Variants in RARB observed in about 807,000 individuals in gnomAD.
RARB encodes HBV-activated protein.
In RARB, 17 loss-of-function variants were observed where a neutral mutation model predicts 51.9. The observed-to-expected ratio is 0.33, with a 90% confidence interval of 0.22 to 0.49. The LOEUF (loss-of-function observed/expected upper bound fraction) is 0.49. RARB is among the 20% of genes least tolerant of loss of function. The pLI, the probability that RARB is intolerant of heterozygous loss-of-function variation, is 0.99. For synonymous variants in RARB, 215 were observed against 195.4 expected (o/e 1.10, Z -0.84); for missense variants, 369 against 550.8 (o/e 0.67, Z 3.30).
intron 5 of RARB, among the ~76,000 whole-genome samples, chr3:25,181,959 T>A (rs1046866006): frequency 6.6e-6 from 1 of 152,210 alleles, no homozygotes; most frequent in Non-Finnish European, 1.5e-5. Flanking sequence ...TCTTACCACT[T>A]CTTTATGCCT....
intron 4 of RARB, among the ~76,000 whole-genome samples, chr3:25,163,700 C>A (rs1424483201): frequency 6.6e-6 from 1 of 151,814 alleles, no homozygotes; most frequent in African/African-American, 2.4e-5. Flanking sequence ...GAGTCAAGGA[C>A]CCCGTTCCCT....
At chr3:25,408,732 C>T (rs750401078) in intron 5 of RARB, among the ~76,000 whole-genome samples, 4 of 152,080 alleles carry the variant, frequency 2.6e-5, no homozygotes, top group African/African-American at 4.8e-5. Context: ...CACCATGGCA[C>T]TTAAAAAAAT....
At chr3:25,171,657 A>AAAAAAAAAAAC (rs1313879949) in intron 4 of RARB, among the ~76,000 whole-genome samples, 2 of 148,664 alleles carry the variant, frequency 1.3e-5, no homozygotes, top group Admixed American at 6.7e-5. Flanking sequence ...AAAAAAAAAA[A>AAAAAAAAAAAC]AAAACAGCTT....
chr3:24,935,972 G>C (rs1186252955), intron 2 of RARB, among the ~76,000 whole-genome samples: 1 of 152,128 alleles, frequency 6.6e-6, no homozygotes, highest in East Asian at 1.9e-4. Flanking sequence ...TTAGGAAAAT[G>C]TATAAATCGA....
At chr3:25,281,413 G>C (rs1444923586) in intron 5 of RARB, among the ~76,000 whole-genome samples, 2 of 152,194 alleles carry the variant, frequency 1.3e-5, no homozygotes, top group African/African-American at 4.8e-5. Context: ...ACTTTGGCTG[G>C]GGTTTCCCTG....
chr3:25,104,679 T>C lies in RARB; in HGVS notation c.-327-27482T>C, dbSNP rs529537088. ...AGAAAAAAATCTCACAGTGATACTATTGTTAATATCCCAAACTGGAAAATA... is the reference window on the plus strand; with the variant it reads ...AGAAAAAAATCTCACAGTGATACTACTGTTAATATCCCAAACTGGAAAATA... On this transcript the variant is annotated intron_variant, in intron 3 of 11. Transcript: ENST00000383772. Among the ~76,000 whole-genome samples, 12 of 152,238 alleles carry C rather than the reference T, an allele frequency of 7.9e-5. 1 individual carries two copies. The South Asian group carries it at 2.5e-3, about 32-fold the overall frequency.
intron 2 of RARB, among the ~76,000 whole-genome samples, chr3:25,058,271 C>G (rs995353514): frequency 2.0e-5 from 3 of 151,760 alleles, no homozygotes; most frequent in African/African-American, 7.3e-5. Context: ...TCATAATTAT[C>G]CTGGATGTTG....
At chr3:25,295,393 G>A (rs1054568559) in intron 5 of RARB, among the ~76,000 whole-genome samples, 7 of 152,188 alleles carry the variant, frequency 4.6e-5, no homozygotes, top group Admixed American at 1.3e-4. Context: ...GCAGTGAGAA[G>A]ATACCATCTA....
intron 5 of RARB, among the ~76,000 whole-genome samples, chr3:25,370,088 G>C (rs1177224380): frequency 6.6e-6 from 1 of 152,100 alleles, no homozygotes; most frequent in East Asian, 1.9e-4. Context: ...TCATGTATGT[G>C]TGTATGCATA....
intron 3 of RARB, among the ~76,000 whole-genome samples, chr3:25,064,593 C>G (rs1433970539): frequency 6.6e-6 from 1 of 152,138 alleles, no homozygotes; most frequent in East Asian, 1.9e-4. Context: ...GGGTCAACTT[C>G]ACCCAGTGCT....
At chr3:24,978,177 A>G (rs1286960640) in intron 2 of RARB, among the ~76,000 whole-genome samples, 1 of 152,034 alleles carries the variant, frequency 6.6e-6, no homozygotes, top group Non-Finnish European at 1.5e-5. Flanking sequence ...GGATTTTTGC[A>G]TCAATGTTCA....
chr3:25,304,519 G>A (rs1232295390), intron 5 of RARB, among the ~76,000 whole-genome samples: 1 of 152,070 alleles, frequency 6.6e-6, no homozygotes, highest in Non-Finnish European at 1.5e-5. Flanking sequence ...ATCAATTCTA[G>A]TTGGTGATCC....
intron 3 of RARB, among the ~76,000 whole-genome samples, chr3:25,124,392 TA>T (rs1429528865): frequency 6.6e-6 from 1 of 152,208 alleles, no homozygotes; most frequent in Non-Finnish European, 1.5e-5. Context: ...AAATTGTGGA[TA>T]CAGCCCTTTC....
At chr3:25,497,947 A>G (rs1427961126) in intron 2 of RARB, among the ~76,000 whole-genome samples, 2 of 152,106 alleles carry the variant, frequency 1.3e-5, no homozygotes, top group Non-Finnish European at 2.9e-5. Flanking sequence ...AATTCCTCAA[A>G]CAGAAAATCT....
At chr3:24,891,245 C>G (rs1703372756) in intron 2 of RARB, among the ~76,000 whole-genome samples, 1 of 152,158 alleles carries the variant, frequency 6.6e-6, no homozygotes, top group Admixed American at 6.5e-5. Context: ...AGATTATCTT[C>G]CAAACTAGGC....
intron 3 of RARB, among the ~76,000 whole-genome samples, chr3:25,525,467 C>T (rs905356332): frequency 7.2e-5 from 11 of 152,168 alleles, no homozygotes; most frequent in African/African-American, 2.4e-4. Context: ...TTCATAGACC[C>T]CCCTCAGCAA....
At chr3:25,128,943 A>G (rs1377223699) in intron 3 of RARB, among the ~76,000 whole-genome samples, 1 of 152,156 alleles carries the variant, frequency 6.6e-6, no homozygotes, top group Admixed American at 6.6e-5. Flanking sequence ...AAAATAACAT[A>G]ATTAGCTGTG....
intron 5 of RARB, among the ~76,000 whole-genome samples, chr3:25,214,009 T>A (rs984106164): frequency 3.3e-5 from 5 of 152,216 alleles, no homozygotes; most frequent in Non-Finnish European, 5.9e-5. Context: ...AATCCAGAGA[T>A]GCCAACTCAC....
intron 5 of RARB, among the ~76,000 whole-genome samples, chr3:25,378,379 A>T (rs1706526069): frequency 6.6e-6 from 1 of 152,120 alleles, no homozygotes; most frequent in Admixed American, 6.5e-5. Context: ...TGGTTTGTAA[A>T]TCCCTGGTCT....
Sources: gnomAD v4.1 joint callset for allele counts (sites outside exome capture counted in the v4.1 genomes callset) on GRCh38, gnomAD v4.1.1 for gene constraint, MANE v1.5 for transcripts, NCBI Gene and HGNC (gene_info 2026-07-23, HGNC 2026-07-21) for gene names.